The following RBFOX1 variants were observed in gnomAD, a reference collection of about 807,000 sequenced individuals.
RBFOX1 encodes the protein RNA binding fox-1 homolog 1.
Under a neutral mutation model 57.7 loss-of-function variants are expected in RBFOX1, and 8 were observed. The observed-to-expected ratio is 0.14, with a 90% CI of 0.08 to 0.25. The LOEUF (loss-of-function observed/expected upper bound fraction) is 0.25. Ranked by LOEUF, RBFOX1 falls within the 10% of genes least tolerant of loss-of-function variation. RBFOX1 has a pLI of 1.00. For missense variants in RBFOX1, 611 were observed against 548.5 expected, an observed-to-expected ratio of 1.11 and a Z score of -1.14; for synonymous variants, 326 against 222.4, an observed-to-expected ratio of 1.47 and a Z score of -4.15.
chr16:6,557,750 T>A (rs1002235635), intron 2 of RBFOX1, among the ~76,000 whole-genome samples: 1 of 152,228 alleles, frequency 6.6e-6, no homozygotes, highest in Non-Finnish European at 1.5e-5. Flanking sequence ...TAAATTGATT[T>A]GCTGTGAAAA....
intron 4 of RBFOX1, among the ~76,000 whole-genome samples, chr16:5,987,313 T>C (rs1171124212): frequency 2.0e-5 from 3 of 152,230 alleles, no homozygotes; most frequent in African/African-American, 7.2e-5. Flanking sequence ...GGTTTACAAA[T>C]ATTTTCCCCC....
At position 5,724,465 on chromosome 16, in the gene RBFOX1, AGAG is replaced by A. The variant is rs1479942612; in HGVS notation, c.318+125509_318+125511del. 2.0e-5 allele frequency among the ~76,000 whole-genome samples: 3 copies of A among 152,092 alleles called. No individual in the cohort carries two copies. In the East Asian group the frequency reaches 5.8e-4, roughly 29 times the overall value. ...GTCTTCGTGAAATGGCATAGTGGTTAGAGGAGGGACTCGGAGCCAGACTGCCAG... is the reference window on the plus strand; with the variant it reads ...GTCTTCGTGAAATGGCATAGTGGTTAGAGGGACTCGGAGCCAGACTGCCAG... On this transcript the variant is annotated intron_variant, in intron 3 of 19. Transcript: ENST00000641259.
chr16:5,274,669 C>G (rs918026044), intron 1 of RBFOX1, among the ~76,000 whole-genome samples: 1 of 152,210 alleles, frequency 6.6e-6, no homozygotes, highest in Non-Finnish European at 1.5e-5. Flanking sequence ...GACTGTATTT[C>G]TGCCATGTTC....
chr16:5,252,043 G>A (rs1182869651), intron 1 of RBFOX1, among the ~76,000 whole-genome samples: 3 of 152,274 alleles, frequency 2.0e-5, no homozygotes, highest in African/African-American at 7.2e-5. Flanking sequence ...GCTGAGCTGG[G>A]GAAGTGCAGG....
At chr16:5,412,700 A>G (rs1245768035) in intron 1 of RBFOX1, among the ~76,000 whole-genome samples, 3 of 152,196 alleles carry the variant, frequency 2.0e-5, no homozygotes, top group African/African-American at 7.2e-5. Context: ...TTCTCGTAAC[A>G]TTCCTCAGAG....
rs545448459 is a variant in RBFOX1 at position 7,486,685 on chromosome 16, G to T, written c.28-31462G>T. Among the ~76,000 whole-genome samples, 8 of 152,172 alleles carry T rather than the reference G, an allele frequency of 5.3e-5. No individual in the cohort carries two copies. The South Asian group carries it at 1.7e-3, about 32-fold the overall frequency. On this transcript the variant is annotated intron_variant, in intron 4 of 15. Coordinates refer to ENST00000550418, the MANE Select transcript of RBFOX1 (RefSeq NM_018723.4). ...GAAGGTATGTGTTATGATCTGGGTG[G>T]TATCTCCTGCCATTTTGGAGCAGAT... is the stretch of plus-strand genomic sequence containing the variant.
intron 1 of RBFOX1, among the ~76,000 whole-genome samples, chr16:6,159,328 C>T (rs538607569): frequency 3.3e-5 from 5 of 152,292 alleles, no homozygotes; most frequent in South Asian, 2.1e-4. Context: ...CTGCCCGCCT[C>T]GGCCTCCCAA....
chr16:6,158,578 T>TTAAA (rs2096855077), intron 1 of RBFOX1, among the ~76,000 whole-genome samples: 1 of 152,150 alleles, frequency 6.6e-6, no homozygotes. Context: ...GGAGTGGTGT[T>TTAAA]TTTTAGTTTC....
At chr16:7,156,376 T>G (rs540277715) in intron 4 of RBFOX1, among the ~76,000 whole-genome samples, 2 of 152,204 alleles carry the variant, frequency 1.3e-5, no homozygotes, top group South Asian at 4.1e-4. Context: ...TACATATGCG[T>G]GTACATATAT....
chr16:7,167,894 G>A (rs1416252214), intron 4 of RBFOX1, among the ~76,000 whole-genome samples: 1 of 152,144 alleles, frequency 6.6e-6, no homozygotes, highest in Admixed American at 6.5e-5. Context: ...CGCTCTTCTA[G>A]GGAGGTGTTT....
At chr16:7,542,327 G>C (rs1484165327) in intron 5 of RBFOX1, among the ~76,000 whole-genome samples, 1 of 152,132 alleles carries the variant, frequency 6.6e-6, no homozygotes, top group Non-Finnish European at 1.5e-5. Flanking sequence ...TGTAACTTGT[G>C]TTTGAAAGCA....
At chr16:5,406,800 A>G (rs571451168) in intron 1 of RBFOX1, among the ~76,000 whole-genome samples, 20 of 152,252 alleles carry the variant, frequency 1.3e-4, no homozygotes, top group African/African-American at 4.6e-4. Context: ...TCATGAATAC[A>G]ATTCAGTAGA....
At chr16:6,130,185 A>T (rs2096619902) in intron 1 of RBFOX1, among the ~76,000 whole-genome samples, 1 of 152,188 alleles carries the variant, frequency 6.6e-6, no homozygotes, top group South Asian at 2.1e-4. Flanking sequence ...ATAGTTTACA[A>T]TAAAAATGAT....
intron 5 of RBFOX1, among the ~76,000 whole-genome samples, chr16:7,545,862 CG>C (rs1879067918): frequency 6.6e-6 from 1 of 151,966 alleles, no homozygotes; most frequent in African/African-American, 2.4e-5. Flanking sequence ...GTCTCTGCAT[CG>C]GGGGAGCAGA....
At chr16:5,286,249 C>A (rs1333643418) in intron 1 of RBFOX1, among the ~76,000 whole-genome samples, 2 of 152,256 alleles carry the variant, frequency 1.3e-5, no homozygotes, top group East Asian at 1.9e-4. Context: ...CCCTGGGCCT[C>A]CAGGTGGCTT....
intron 1 of RBFOX1, among the ~76,000 whole-genome samples, chr16:6,169,209 G>A (rs1001175642): frequency 1.3e-5 from 2 of 152,098 alleles, no homozygotes; most frequent in Non-Finnish European, 2.9e-5. Context: ...TCATTGACTT[G>A]GTAGATGGAA....
At chr16:6,742,788 A>T (rs1264846058) in intron 3 of RBFOX1, among the ~76,000 whole-genome samples, 13 of 152,180 alleles carry the variant, frequency 8.5e-5, no homozygotes, top group Non-Finnish European at 1.5e-4. Context: ...ACCATGAGAG[A>T]AGTATAAAGA....
intron 4 of RBFOX1, among the ~76,000 whole-genome samples, chr16:7,421,563 T>C (rs1284701403): frequency 1.3e-5 from 2 of 152,212 alleles, no homozygotes; most frequent in African/African-American, 2.4e-5. Context: ...GCTCTGAGCG[T>C]ACCTAACCTA....
intron 1 of RBFOX1, among the ~76,000 whole-genome samples, chr16:6,274,398 G>T (rs1285568758): frequency 6.6e-6 from 1 of 152,140 alleles, no homozygotes; most frequent in East Asian, 1.9e-4. Flanking sequence ...ATAAATGCAT[G>T]CAACAGCCCA....
Sources: allele counts gnomAD v4.1 joint callset (sites outside exome capture counted in the v4.1 genomes callset), GRCh38; gene constraint gnomAD v4.1.1; transcripts MANE v1.5; gene names NCBI Gene and HGNC (gene_info 2026-07-23, HGNC 2026-07-21).